SPOCK1: variants seen among roughly 807,000 people sequenced by gnomAD.
SPOCK1 encodes the protein testican-1.
In SPOCK1, 23 loss-of-function variants were observed where a neutral mutation model predicts 55.3. The ratio of observed to expected loss-of-function variants is 0.42; its 90% confidence interval spans 0.30 to 0.59. The LOEUF is 0.59. Among genes scored for constraint, SPOCK1 ranks in the 20% least tolerant of loss-of-function variants. SPOCK1 has a pLI of 0.22. For synonymous variants in SPOCK1, 226 were observed against 221.0 expected (o/e 1.02, Z -0.20); for missense variants, 499 against 552.5 (o/e 0.90, Z 0.97).
chr5:137,364,792 T>C (rs1751021823), intron 2 of SPOCK1, among the ~76,000 whole-genome samples: 1 of 152,236 alleles, frequency 6.6e-6, no homozygotes, highest in South Asian at 2.1e-4. Context: ...GACTTGGAAT[T>C]AGCCAAAGCT....
At chr5:137,339,621 T>C (rs993804217) in intron 2 of SPOCK1, among the ~76,000 whole-genome samples, 31 of 151,246 alleles carry the variant, frequency 2.0e-4, no homozygotes, top group Admixed American at 1.8e-3. Context: ...TTAAAGCTCC[T>C]TTTTTTTTCA....
In SPOCK1 at chr5:137,291,452, G is replaced by A. The variant is rs79506727; in HGVS notation, c.187-24397C>T. 2.0e-3 allele frequency among the ~76,000 whole-genome samples: 306 copies of A among 152,328 alleles called. 4 individuals carry two copies. The highest frequency in any genetic ancestry group is 2.8e-3 in the Non-Finnish European group (192 of 68,034). On this transcript the variant is annotated intron_variant, in intron 2 of 10. Transcript: ENST00000394945. Reference sequence around the variant, plus strand: ...TGTAATTCCTTCACCTGAAAGGTCAGTAAGATCTCCCAGGTCCTACAAACC... The same window carrying A: ...TGTAATTCCTTCACCTGAAAGGTCAATAAGATCTCCCAGGTCCTACAAACC...
intron 2 of SPOCK1, among the ~76,000 whole-genome samples, chr5:137,303,346 G>A (rs985629853): frequency 1.1e-4 from 17 of 151,914 alleles, no homozygotes; most frequent in African/African-American, 4.1e-4. Flanking sequence ...TACTTGGGAG[G>A]CAAGATACTA....
At chr5:137,277,558 A>G (rs1407952362) in intron 2 of SPOCK1, among the ~76,000 whole-genome samples, 2 of 152,216 alleles carry the variant, frequency 1.3e-5, no homozygotes, top group African/African-American at 2.4e-5. Context: ...ACCATGATAC[A>G]GGAGATACCA....
intron 3 of SPOCK1, among the ~76,000 whole-genome samples, chr5:137,214,257 G>A (rs190500877): frequency 6.6e-6 from 1 of 152,012 alleles, no homozygotes; most frequent in Non-Finnish European, 1.5e-5. Context: ...AGCTTGGAGG[G>A]GAGATATATG....
intron 2 of SPOCK1, among the ~76,000 whole-genome samples, chr5:137,494,702 T>C (rs891519803): frequency 2.6e-5 from 4 of 152,252 alleles, no homozygotes; most frequent in East Asian, 1.9e-4. Flanking sequence ...AAGAATTTCC[T>C]CTAGCAGACA....
chr5:137,081,355 C>G (rs572055466), intron 5 of SPOCK1, among the ~76,000 whole-genome samples: 23 of 152,246 alleles, frequency 1.5e-4, no homozygotes, highest in Non-Finnish European at 2.9e-4. Flanking sequence ...GTATTCCATC[C>G]CTGGTTGCCC....
chr5:137,254,705 A>G (rs1295451124), intron 3 of SPOCK1, among the ~76,000 whole-genome samples: 1 of 152,232 alleles, frequency 6.6e-6, no homozygotes, highest in Non-Finnish European at 1.5e-5. Context: ...AAGAATACTG[A>G]CATTCTTAAT....
Position 137,113,548 on chromosome 5 carries a change from G to A in SPOCK1, c.348-987C>T, listed in dbSNP as rs148977255. Among the ~76,000 whole-genome samples, 1,105 of 152,302 alleles carry A rather than the reference G, an allele frequency of 7.3e-3. 12 individuals carry two copies. Among genetic ancestry groups the A allele is most frequent in the African/African-American group, 0.025 (1,044 of 41,568 alleles). ...CAGCTCTGTCATTCACTCACAGTGC[G>A]ACCTTGGCAAGGTATTTAATGGTAC... is the stretch of plus-strand genomic sequence containing the variant. On this transcript the variant is annotated intron_variant, in intron 4 of 10. Coordinates refer to ENST00000394945, the MANE Select transcript of SPOCK1 (RefSeq NM_004598.4).
intron 6 of SPOCK1, among the ~76,000 whole-genome samples, chr5:137,009,952 CCT>C (rs1216476093): frequency 6.6e-6 from 1 of 151,984 alleles, no homozygotes; most frequent in Non-Finnish European, 1.5e-5. Flanking sequence ...AGACACAGAC[CCT>C]CTCTCTCTCA....
At chr5:136,999,273 G>C (rs548956943) in intron 6 of SPOCK1, among the ~76,000 whole-genome samples, 3 of 152,106 alleles carry the variant, frequency 2.0e-5, no homozygotes. Flanking sequence ...ATTAGTATTT[G>C]CTTATGTGGC....
At chr5:136,994,193 T>C (rs1205272458) in intron 6 of SPOCK1, among the ~76,000 whole-genome samples, 1 of 152,216 alleles carries the variant, frequency 6.6e-6, no homozygotes, top group Non-Finnish European at 1.5e-5. Context: ...AATGAATGCA[T>C]GTCCAGTGTT....
intron 3 of SPOCK1, among the ~76,000 whole-genome samples, chr5:137,192,472 G>A (rs1360042033): frequency 1.3e-5 from 2 of 152,112 alleles, no homozygotes; most frequent in African/African-American, 4.8e-5. Context: ...GAAAGGCATG[G>A]AGTTAGCTTA....
intron 2 of SPOCK1, among the ~76,000 whole-genome samples, chr5:137,412,545 T>C (rs1352740838): frequency 6.6e-6 from 1 of 152,188 alleles, no homozygotes; most frequent in Non-Finnish European, 1.5e-5. Context: ...AGGGTCACTG[T>C]CTGGGAAACA....
intron 2 of SPOCK1, among the ~76,000 whole-genome samples, chr5:137,410,540 A>G (rs1752188097): frequency 6.6e-6 from 1 of 152,238 alleles, no homozygotes; most frequent in Admixed American, 6.5e-5. Context: ...TGGTTTCATT[A>G]TTCCAAACAA....
chr5:137,118,104 C>A (rs1184568947), intron 4 of SPOCK1, among the ~76,000 whole-genome samples: 1 of 152,140 alleles, frequency 6.6e-6, no homozygotes, highest in African/African-American at 2.4e-5. Flanking sequence ...ACATTTGGAT[C>A]TTCTAACAAG....
chr5:137,045,257 C>T (rs1315846442), intron 6 of SPOCK1, among the ~76,000 whole-genome samples: 25 of 113,348 alleles, frequency 2.2e-4, no homozygotes, highest in Non-Finnish European at 3.6e-4. Context: ...TACAGTCCCA[C>T]CAACAGTGTA....
rs74680656 is a variant in SPOCK1, at chr5:137,149,003, G to C, written c.233-8309C>G. Among the ~76,000 whole-genome samples, 255 of 152,240 alleles carry C rather than the reference G, an allele frequency of 1.7e-3. 1 individual carries two copies. Among genetic ancestry groups the C allele is most frequent in the Non-Finnish European group, 2.0e-3 (139 of 68,006 alleles). On this transcript the variant is annotated intron_variant, in intron 3 of 10. Transcript: ENST00000394945. ...AAAAAGACTTCCTGTGAAAAAAAAA[G>C]ATTGAGCTATCAGAAATCAAAGCCA...
chr5:137,471,501 G>A (rs1753737068), intron 2 of SPOCK1, among the ~76,000 whole-genome samples: 1 of 152,188 alleles, frequency 6.6e-6, no homozygotes, highest in South Asian at 2.1e-4. Context: ...TTCTCAGTCA[G>A]TAGTCACCGC....
Sources: gnomAD v4.1 joint callset for allele counts (sites outside exome capture counted in the v4.1 genomes callset) on GRCh38, gnomAD v4.1.1 for gene constraint, MANE v1.5 for transcripts, NCBI Gene and HGNC (gene_info 2026-07-23, HGNC 2026-07-21) for gene names.